Variants in TMEM117 observed in about 807,000 individuals in gnomAD.
TMEM117 encodes transmembrane protein 117.
In TMEM117, 27 loss-of-function variants were observed where a neutral mutation model predicts 52.4. The observed-to-expected ratio is 0.51, with a 90% CI of 0.38 to 0.71. The LOEUF is 0.71. Ranked by LOEUF, TMEM117 falls within the 30% of genes least tolerant of loss-of-function variation. TMEM117 has a pLI of 0.00. For missense variants in TMEM117, 556 were observed against 630.5 expected (o/e 0.88, Z 1.26); for synonymous variants, 215 against 206.3 (o/e 1.04, Z -0.36).
At chr12:44,308,959 T>A (rs2138664317) in intron 6 of TMEM117, among the ~76,000 whole-genome samples, 1 of 152,302 alleles carries the variant, frequency 6.6e-6, no homozygotes, top group African/African-American at 2.4e-5. Context: ...ATATGAAGTA[T>A]TTCTATGGGC....
At chr12:44,069,370 G>T (rs984262312) in intron 3 of TMEM117, among the ~76,000 whole-genome samples, 1 of 152,298 alleles carries the variant, frequency 6.6e-6, no homozygotes, top group East Asian at 1.9e-4. Context: ...TCACTGAGAG[G>T]TGACATTTCA....
Position 43,986,800 on chromosome 12 carries a change from G to GTTA in TMEM117, c.410+42460_410+42462dup, listed in dbSNP as rs1427777413. ...TTTCTATTTCTCTGTGCATATTGAT[G>GTTA]TTATCCACAGGTGTTTTCCAGTTCA... On this transcript the variant is annotated intron_variant, in intron 3 of 7. Coordinates refer to ENST00000266534, the MANE Select transcript of TMEM117 (RefSeq NM_032256.3). 4.6e-5 allele frequency among the ~76,000 whole-genome samples: 7 copies of GTTA among 151,986 alleles called. No homozygotes were observed. In the East Asian group the frequency reaches 1.3e-3, roughly 29 times the overall value.
chr12:44,254,927 C>T (rs1950241815), intron 5 of TMEM117, among the ~76,000 whole-genome samples: 1 of 151,736 alleles, frequency 6.6e-6, no homozygotes, highest in South Asian at 2.1e-4. Flanking sequence ...TTTGTCCTTG[C>T]GATAGTTTGC....
chr12:43,885,536 A>C (rs1943979003), intron 2 of TMEM117, among the ~76,000 whole-genome samples: 1 of 151,940 alleles, frequency 6.6e-6, no homozygotes, highest in African/African-American at 2.4e-5. Flanking sequence ...GGAAAAAAAG[A>C]ACAGTATCTA....
intron 3 of TMEM117, among the ~76,000 whole-genome samples, chr12:44,129,055 G>A (rs1271520988): frequency 6.6e-6 from 1 of 152,154 alleles, no homozygotes; most frequent in Non-Finnish European, 1.5e-5. Flanking sequence ...TACTGTTAGT[G>A]TGCTACATGG....
intron 2 of TMEM117, among the ~76,000 whole-genome samples, chr12:43,917,162 G>T (rs1944618010): frequency 6.7e-6 from 1 of 149,878 alleles, no homozygotes; most frequent in Non-Finnish European, 1.5e-5. Context: ...GGAGGCCATG[G>T]TGGGAAGATT....
intron 3 of TMEM117, among the ~76,000 whole-genome samples, chr12:43,946,813 T>A (rs1313788466): frequency 6.6e-6 from 1 of 152,200 alleles, no homozygotes; most frequent in Non-Finnish European, 1.5e-5. Flanking sequence ...GCTTAGGAAA[T>A]AAGAGAATAG....
intron 3 of TMEM117, among the ~76,000 whole-genome samples, chr12:43,963,844 T>C (rs888556745): frequency 9.2e-5 from 14 of 152,196 alleles, no homozygotes; most frequent in African/African-American, 3.4e-4. Flanking sequence ...ATGAACTCCA[T>C]GGACCCACTT....
chr12:44,368,009 G>A (rs538905077), intron 6 of TMEM117, among the ~76,000 whole-genome samples: 3 of 151,880 alleles, frequency 2.0e-5, no homozygotes, highest in South Asian at 4.2e-4. Flanking sequence ...CATCTCTCAC[G>A]CTCCCGTGAC....
chr12:44,232,446 G>A (rs866441766), intron 5 of TMEM117, among the ~76,000 whole-genome samples: 1 of 151,130 alleles, frequency 6.6e-6, no homozygotes, highest in African/African-American at 2.4e-5. Flanking sequence ...TTTTTAATTG[G>A]CCTAGTTACT....
intron 2 of TMEM117, among the ~76,000 whole-genome samples, chr12:43,900,301 T>C (rs923991967): frequency 7.2e-5 from 11 of 152,146 alleles, no homozygotes; most frequent in African/African-American, 2.7e-4. Flanking sequence ...CAGAGGTAGT[T>C]TAGGAAGTTA....
At chr12:44,280,003 C>T (rs1230610349) in intron 5 of TMEM117, among the ~76,000 whole-genome samples, 4 of 152,130 alleles carry the variant, frequency 2.6e-5, no homozygotes, top group African/African-American at 7.2e-5. Context: ...CTGGCTACAC[C>T]TTACTAGTCT....
the TMEM117 span, among the ~76,000 whole-genome samples, chr12:43,808,812 GAAAAAAAAAAAA>G: frequency 1.2e-5 from 1 of 80,782 alleles, no homozygotes; most frequent in Admixed American, 1.4e-4. Flanking sequence ...TCAAAGGGGA[GAAAAAAAAAAAA>G]AAAAAAAAAA....
At chr12:43,804,227 CTGT>C in the TMEM117 span, 1 of 482,586 alleles carries the variant, frequency 2.1e-6, no homozygotes, top group Non-Finnish European at 4.0e-6. Flanking sequence ...TAGAAATGGA[CTGT>C]GGTGCAGAAA....
intron 3 of TMEM117, among the ~76,000 whole-genome samples, chr12:44,099,240 A>G (rs1348787629): frequency 1.3e-5 from 2 of 151,728 alleles, no homozygotes; most frequent in Non-Finnish European, 2.9e-5. Context: ...TTTTCTTGGT[A>G]TCAGCATTTT....
intron 3 of TMEM117, among the ~76,000 whole-genome samples, chr12:44,080,674 C>A (rs771999445): frequency 5.3e-5 from 8 of 151,860 alleles, no homozygotes; most frequent in Non-Finnish European, 1.2e-4. Context: ...ATGATTTTCA[C>A]GTTTTTAAAT....
chr12:44,082,799 C>T (rs1391679534), intron 3 of TMEM117, among the ~76,000 whole-genome samples: 1 of 152,044 alleles, frequency 6.6e-6, no homozygotes, highest in Non-Finnish European at 1.5e-5. Flanking sequence ...ACACTGAATC[C>T]CTTCACAAAT....
chr12:44,088,623 G>T (rs1285364302), intron 3 of TMEM117, among the ~76,000 whole-genome samples: 1 of 152,182 alleles, frequency 6.6e-6, no homozygotes, highest in African/African-American at 2.4e-5. Context: ...GTGGTCCTGG[G>T]TGACACCTGA....
At chr12:44,239,884 T>C (rs1462858205) in intron 5 of TMEM117, among the ~76,000 whole-genome samples, 1 of 152,170 alleles carries the variant, frequency 6.6e-6, no homozygotes, top group Admixed American at 6.6e-5. Flanking sequence ...TATGACTTTT[T>C]TTTAAATTTC....
Sources: allele counts gnomAD v4.1 joint callset (sites outside exome capture counted in the v4.1 genomes callset), GRCh38; gene constraint gnomAD v4.1.1; transcripts MANE v1.5; gene names NCBI Gene and HGNC (gene_info 2026-07-23, HGNC 2026-07-21).